The following MACO1 variants were observed in gnomAD, a reference collection of about 807,000 sequenced individuals.
MACO1 encodes macoilin.
MACO1 carries 14 observed loss-of-function variants against 78.7 expected under a neutral mutation model. The observed-to-expected ratio is 0.18, with a 90% CI of 0.12 to 0.28. The LOEUF (loss-of-function observed/expected upper bound fraction) is 0.28, where lower values mean the gene tolerates loss of function less well. MACO1 is among the 10% of genes least tolerant of loss of function. The pLI is 1.00. For missense variants in MACO1, 501 were observed against 799.0 expected, an observed-to-expected ratio of 0.63 and a Z score of 4.50; for synonymous variants, 288 against 291.6, an observed-to-expected ratio of 0.99 and a Z score of 0.12.
intron 1 of MACO1, among the ~76,000 whole-genome samples, chr1:25,443,198 A>G (rs1011473302): frequency 1.3e-5 from 2 of 152,356 alleles, no homozygotes; most frequent in African/African-American, 4.8e-5. Context: ...AATTTAGGTT[A>G]CTTGTCTTTA....
intron 1 of MACO1, among the ~76,000 whole-genome samples, chr1:25,431,558 C>T (rs1432274861): frequency 2.0e-5 from 3 of 151,950 alleles, no homozygotes; most frequent in Non-Finnish European, 2.9e-5. Flanking sequence ...CCGCCGCTGG[C>T]CCCCGAGCCC....
At chr1:25,440,799 A>G (rs1449609911) in intron 1 of MACO1, among the ~76,000 whole-genome samples, 7 of 152,006 alleles carry the variant, frequency 4.6e-5, no homozygotes, top group South Asian at 2.1e-4. Flanking sequence ...AAGTAACAAT[A>G]AATTAATAAA....
intron 8 of MACO1, 74 bp from the exon 9 acceptor site, chr1:25,489,099 G>A (rs2043460933): frequency 6.6e-7 from 1 of 1,526,422 alleles, no homozygotes; most frequent in Non-Finnish European, 8.8e-7. Context: ...GGGATTACAG[G>A]CCTGAGTCAC....
intron 6 of MACO1, among the ~76,000 whole-genome samples, chr1:25,483,253 G>A (rs533842761): frequency 2.6e-5 from 4 of 152,274 alleles, no homozygotes; most frequent in African/African-American, 7.2e-5. Flanking sequence ...GTTTCACCAC[G>A]TTGGCCAGGC....
chr1:25,459,662 T>C (rs548269603), intron 6 of MACO1, among the ~76,000 whole-genome samples: 24 of 151,982 alleles, frequency 1.6e-4, no homozygotes, highest in African/African-American at 4.3e-4. Context: ...TTTTTAATAG[T>C]GACAGGATTT....
chr1:25,471,262 C>T (rs968758657), intron 6 of MACO1, among the ~76,000 whole-genome samples: 1 of 151,642 alleles, frequency 6.6e-6, no homozygotes, highest in African/African-American at 2.4e-5. Flanking sequence ...TCACTTGAAC[C>T]TGAGAGGCAG....
intron 7 of MACO1, among the ~76,000 whole-genome samples, chr1:25,484,558 ATTGACAAGAAGTAG>A (rs1167552734): frequency 6.6e-6 from 1 of 152,238 alleles, no homozygotes; most frequent in Non-Finnish European, 1.5e-5. Context: ...GGATAGTAAA[ATTGACAAGAAGTAG>A]TTCTGTCACA....
intron 10 of MACO1, among the ~76,000 whole-genome samples, chr1:25,495,341 T>A (rs2043525540): frequency 6.6e-6 from 1 of 152,246 alleles, no homozygotes; most frequent in South Asian, 2.1e-4. Context: ...TATGTTTTCC[T>A]GTTACTGATT....
At chr1:25,488,222 T>G (rs998636458) in intron 8 of MACO1, among the ~76,000 whole-genome samples, 6 of 152,116 alleles carry the variant, frequency 3.9e-5, no homozygotes, top group African/African-American at 7.2e-5. Flanking sequence ...CAGCTATTTT[T>G]TAAATTTTTT....
intron 1 of MACO1, among the ~76,000 whole-genome samples, chr1:25,444,770 A>G (rs1424677080): frequency 6.6e-6 from 1 of 151,536 alleles, no homozygotes; most frequent in Non-Finnish European, 1.5e-5. Flanking sequence ...AATTTTTTGT[A>G]CAGATGGGGT....
At chr1:25,487,735 A>C (rs1055111151) in intron 8 of MACO1, among the ~76,000 whole-genome samples, 3 of 152,194 alleles carry the variant, frequency 2.0e-5, no homozygotes, top group Non-Finnish European at 4.4e-5. Context: ...AGTGGGGGGA[A>C]AATTTTTTTC....
intron 10 of MACO1, among the ~76,000 whole-genome samples, chr1:25,494,239 G>A (rs1234644278): frequency 6.6e-6 from 1 of 152,196 alleles, no homozygotes; most frequent in Non-Finnish European, 1.5e-5. Context: ...CAAAAAAGTA[G>A]AGGCATGAGG....
chr1:25,455,264 A>G (rs72660945), intron 4 of MACO1, among the ~76,000 whole-genome samples: 2,608 of 152,270 alleles, frequency 0.017, 32 homozygotes, highest in Non-Finnish European at 0.028. Flanking sequence ...TTAAGATATT[A>G]TTCATTTAAT....
intron 6 of MACO1, among the ~76,000 whole-genome samples, chr1:25,471,293 C>G (rs764254484): frequency 6.6e-6 from 1 of 150,394 alleles, no homozygotes; most frequent in Non-Finnish European, 1.5e-5. Flanking sequence ...GAGCAGAGAT[C>G]GTGCCACTGC....
At chr1:25,432,028 C>T (rs1422316074) in intron 1 of MACO1, among the ~76,000 whole-genome samples, 1 of 152,124 alleles carries the variant, frequency 6.6e-6, no homozygotes, top group Non-Finnish European at 1.5e-5. Context: ...ATCATAGCTT[C>T]CCCAAGTCGA....
chr1:25,486,998 C>T (rs954250182), intron 8 of MACO1, among the ~76,000 whole-genome samples: 69 of 152,302 alleles, frequency 4.5e-4, no homozygotes, highest in African/African-American at 1.3e-3. Context: ...AAAAATTCCA[C>T]TCAGGAGGAC....
chr1:25,474,897 T>A (rs1373398866), intron 6 of MACO1, among the ~76,000 whole-genome samples: 1 of 152,142 alleles, frequency 6.6e-6, no homozygotes, highest in Non-Finnish European at 1.5e-5. Context: ...CAGTGCCTCC[T>A]CTCCTGCAGT....
chr1:25,464,891 C>G (rs1216572676), intron 6 of MACO1, among the ~76,000 whole-genome samples: 3 of 151,884 alleles, frequency 2.0e-5, no homozygotes, highest in Non-Finnish European at 4.4e-5. Flanking sequence ...ACCAGCTGGT[C>G]TTGAACTCCT....
intron 6 of MACO1, among the ~76,000 whole-genome samples, chr1:25,480,405 T>G (rs2043360788): frequency 6.6e-6 from 1 of 152,222 alleles, no homozygotes; most frequent in South Asian, 2.1e-4. Context: ...GTAGCAGTTA[T>G]GAAAATCCTG....
Sources: gnomAD v4.1 joint callset for allele counts (sites outside exome capture counted in the v4.1 genomes callset) on GRCh38, gnomAD v4.1.1 for gene constraint, MANE v1.5 for transcripts, NCBI Gene and HGNC (gene_info 2026-07-23, HGNC 2026-07-21) for gene names.